The following URB1 variants were observed in gnomAD, a reference collection of about 807,000 sequenced individuals.
The protein encoded by URB1 is URB1 ribosome biogenesis factor.
Under a neutral mutation model 242.3 loss-of-function variants are expected in URB1, and 197 were observed. That is an observed-to-expected ratio of 0.81 (90% CI 0.72 to 0.91). URB1 has a LOEUF of 0.91. Among genes scored for constraint, URB1 ranks in the 40% least tolerant of loss-of-function variants. The pLI, the probability that URB1 is intolerant of heterozygous loss-of-function variation, is 0.00. For synonymous variants in URB1, 1,153 were observed against 1,201.8 expected, an observed-to-expected ratio of 0.96 and a Z score of 0.84; for missense variants, 2,721 against 2,860.5, an observed-to-expected ratio of 0.95 and a Z score of 1.11.
chr21:32,339,298 T>C (rs562279190), intron 25 of URB1, among the ~76,000 whole-genome samples: 1 of 151,348 alleles, frequency 6.6e-6, no homozygotes, highest in Non-Finnish European at 1.5e-5. Context: ...CCGGCCATTT[T>C]CTCAGTATTT....
chr21:32,316,034 C>T (rs1439374158), intron 38 of URB1, among the ~76,000 whole-genome samples: 1 of 152,244 alleles, frequency 6.6e-6, no homozygotes, highest in Non-Finnish European at 1.5e-5. Context: ...CATTTATACG[C>T]ATGTGAAGCT....
At chr21:32,335,822 G>T (rs1306674037) in intron 28 of URB1, among the ~76,000 whole-genome samples, 1 of 152,172 alleles carries the variant, frequency 6.6e-6, no homozygotes, top group Non-Finnish European at 1.5e-5. Flanking sequence ...TATTTTGTTT[G>T]CGGAAATGCT....
intron 30 of URB1, among the ~76,000 whole-genome samples, chr21:32,329,129 A>C (rs1422593913): frequency 6.6e-6 from 1 of 151,216 alleles, no homozygotes; most frequent in African/African-American, 2.4e-5. Context: ...TTAGCTAGGC[A>C]TGGTGGTGCA....
At chr21:32,336,128 G>A (rs180883671) in intron 28 of URB1, among the ~76,000 whole-genome samples, 5 of 152,192 alleles carry the variant, frequency 3.3e-5, no homozygotes, top group Admixed American at 6.5e-5. Context: ...TCAAAAGAGC[G>A]AGGCTGCCGC....
intron 20 of URB1, among the ~76,000 whole-genome samples, chr21:32,349,969 C>A (rs2033138649): frequency 6.6e-6 from 1 of 152,038 alleles, no homozygotes; most frequent in African/African-American, 2.4e-5. Context: ...TTGGTGTGCA[C>A]TTGTTATCCC....
intron 28 of URB1, among the ~76,000 whole-genome samples, chr21:32,334,594 C>G (rs2032935980): frequency 6.6e-6 from 1 of 152,164 alleles, no homozygotes; most frequent in Admixed American, 6.5e-5. Context: ...CTAAGCCCTT[C>G]ATGTAGATCA....
chr21:32,375,209 A>C (rs1016467823), intron 6 of URB1, among the ~76,000 whole-genome samples, 189 bp downstream of exon 6: 1 of 152,194 alleles, frequency 6.6e-6, no homozygotes, highest in Admixed American at 6.5e-5. Flanking sequence ...CTATTCTTTA[A>C]CCTTCTAGTC....
chr21:32,339,479 T>C (rs184889030), intron 25 of URB1, among the ~76,000 whole-genome samples: 1 of 151,366 alleles, frequency 6.6e-6, no homozygotes, highest in Non-Finnish European at 1.5e-5. Context: ...AGTGCATTTA[T>C]TTTCTTTTTT....
At chr21:32,369,464 A>G (rs893147928) in intron 8 of URB1, among the ~76,000 whole-genome samples, 2 of 152,052 alleles carry the variant, frequency 1.3e-5, no homozygotes, top group African/African-American at 2.4e-5. Flanking sequence ...AATTTTTAAA[A>G]TTTTTTATTA....
intron 21 of URB1, among the ~76,000 whole-genome samples, 171 bp from the exon 22 acceptor site, chr21:32,347,982 A>G (rs2033113425): frequency 6.6e-6 from 1 of 152,206 alleles, no homozygotes; most frequent in Admixed American, 6.5e-5. Context: ...GGGGTGCCCA[A>G]GGCATCGCAG....
Position 32,392,446 on chromosome 21 carries a change from G to A in URB1, c.142+323C>T, listed in dbSNP as rs2033650118. Among the ~76,000 whole-genome samples, 3 of 152,182 alleles carry A rather than the reference G, an allele frequency of 2.0e-5. No homozygotes were observed. In the South Asian group the frequency reaches 6.2e-4, roughly 31 times the overall value. ...GAGCCGACTCAGTAAGGACTCAATA[G>A]AGAAGGACACTTCATTTACTTCCCT... On this transcript the variant is annotated intron_variant, in intron 1 of 38. Transcript: ENST00000382751.
intron 4 of URB1, among the ~76,000 whole-genome samples, chr21:32,379,788 G>C (rs529377586): frequency 1.3e-5 from 2 of 152,222 alleles, no homozygotes; most frequent in Admixed American, 1.3e-4. Flanking sequence ...TTAGGAGTTC[G>C]AAACCAACCC....
chr21:32,322,371 T>C (rs2032777740), intron 33 of URB1, 107 bp downstream of exon 33: 1 of 1,030,866 alleles, frequency 9.7e-7, no homozygotes, highest in African/African-American at 1.6e-5. Flanking sequence ...CACAATCGTG[T>C]TGGCCGTGCA....
intron 24 of URB1, 58 bp downstream of exon 24, chr21:32,344,512 G>A: frequency 6.6e-7 from 1 of 1,524,200 alleles, no homozygotes; most frequent in Non-Finnish European, 8.8e-7. Context: ...AGCTTGGTTT[G>A]TCTAGCATAC....
intron 4 of URB1, among the ~76,000 whole-genome samples, chr21:32,379,486 T>C (rs1320839282): frequency 2.6e-5 from 4 of 152,362 alleles, no homozygotes; most frequent in East Asian, 1.9e-4. Context: ...GCCTTCCAGA[T>C]AGTTCTGTTC....
Position 32,312,301 on chromosome 21 carries a change from T to C in URB1, c.*2617A>G. ...AAATCAAGAGGAAAAGCTGTTTGCT[T>C]ACTAATCTTTACTATGCCACTTTAC... On this transcript the variant is annotated 3_prime_UTR_variant, in exon 39 of 39. Coordinates refer to ENST00000382751, the MANE Select transcript of URB1 (RefSeq NM_014825.3). 2 of 1,316,130 alleles carry C rather than the reference T, an allele frequency of 1.5e-6. No individual in the cohort carries two copies. Among genetic ancestry groups the C allele is most frequent in the Non-Finnish European group, 2.0e-6 (2 of 1,025,054 alleles). The allele number at this position is 1,316,130 out of a possible 1,614,324, so 81.5% of individuals were successfully genotyped here.
rs775646260 is a variant in URB1 at position 32,314,519 on chromosome 21, T to TA, written c.*398dup. Reference sequence around the variant, plus strand: ...CTTTAAACATCTCTCTTCGTTTTCATAAAAAAAATCTGATACCTTTTGACA... The same window carrying TA: ...CTTTAAACATCTCTCTTCGTTTTCATAAAAAAAAATCTGATACCTTTTGACA... On this transcript the variant is annotated 3_prime_UTR_variant, in exon 39 of 39. Coordinates refer to ENST00000382751, the MANE Select transcript of URB1 (RefSeq NM_014825.3). The TA allele has an allele frequency of 1.6e-5, 26 of 1,590,014 alleles. No individual in the cohort carries two copies. Among genetic ancestry groups the TA allele is most frequent in the Non-Finnish European group, 2.0e-5 (23 of 1,158,284 alleles).
intron 35 of URB1, 75 bp downstream of exon 35, chr21:32,320,456 G>A: frequency 9.0e-7 from 1 of 1,108,558 alleles, no homozygotes; most frequent in Non-Finnish European, 1.3e-6. Flanking sequence ...CAACAACAGA[G>A]CTGGCAGCAG....
Position 32,311,554 on chromosome 21 carries a change from A to G in URB1, c.*3364T>C. ...TGTGAGCTGGCTGACCCTTCTCAGGAATTTGCCTGTGTGGCCTTCCCTATG... is the reference window on the plus strand; with the variant it reads ...TGTGAGCTGGCTGACCCTTCTCAGGGATTTGCCTGTGTGGCCTTCCCTATG... On this transcript the variant is annotated 3_prime_UTR_variant, in exon 39 of 39. Transcript: ENST00000382751. The G allele has an allele frequency of 2.2e-6, 3 of 1,352,694 alleles. No individual in the cohort carries two copies. Among genetic ancestry groups the G allele is most frequent in the Non-Finnish European group, 3.0e-6 (3 of 996,240 alleles). 83.8% of individuals were successfully genotyped at this position (1,352,694 alleles called of 1,614,324 possible). A position where few individuals can be genotyped will look rare whatever the true frequency, so the allele number is the denominator to read the frequency against.
Sources: allele counts gnomAD v4.1 joint callset (sites outside exome capture counted in the v4.1 genomes callset), GRCh38; gene constraint gnomAD v4.1.1; transcripts MANE v1.5; gene names NCBI Gene and HGNC (gene_info 2026-07-23, HGNC 2026-07-21).